The following PHLPP1 variants were observed in gnomAD, a reference collection of about 807,000 sequenced individuals.
The protein encoded by PHLPP1 is PH domain and leucine rich repeat protein phosphatase 1.
Under a neutral mutation model 117.2 loss-of-function variants are expected in PHLPP1, and 42 were observed. That is an observed-to-expected ratio of 0.36 (90% CI 0.28 to 0.46). The LOEUF is 0.46. Among genes scored for constraint, PHLPP1 ranks in the 20% least tolerant of loss-of-function variants. The pLI is 1.00. For synonymous variants in PHLPP1, 1,042 were observed against 970.7 expected (o/e 1.07, Z -1.37); for missense variants, 2,084 against 2,241.9 (o/e 0.93, Z 1.42).
At chr18:62,752,190 G>C (rs1194505184) in intron 1 of PHLPP1, among the ~76,000 whole-genome samples, 1 of 152,136 alleles carries the variant, frequency 6.6e-6, no homozygotes, top group Non-Finnish European at 1.5e-5. Flanking sequence ...CAGTCTTCTC[G>C]CTTTAGCCTC....
intron 1 of PHLPP1, among the ~76,000 whole-genome samples, chr18:62,760,323 A>C (rs1383975072): frequency 6.6e-6 from 1 of 152,080 alleles, no homozygotes; most frequent in Non-Finnish European, 1.5e-5. Flanking sequence ...AATTCCCTTC[A>C]TTTTATATTA....
chr18:62,735,598 A>G (rs1911348879), intron 1 of PHLPP1, among the ~76,000 whole-genome samples: 1 of 152,004 alleles, frequency 6.6e-6, no homozygotes, highest in Non-Finnish European at 1.5e-5. Flanking sequence ...CAACAACAAC[A>G]ACAACAAAAC....
At chr18:62,838,994 G>A (rs1356514313) in intron 3 of PHLPP1, 85 bp downstream of exon 3, 1 of 1,427,510 alleles carries the variant, frequency 7.0e-7, no homozygotes, top group Non-Finnish European at 9.6e-7. Context: ...CTAAAATATG[G>A]TTAGTTACAC....
At chr18:62,821,819 TC>T (rs1914467204) in intron 1 of PHLPP1, among the ~76,000 whole-genome samples, 1 of 151,838 alleles carries the variant, frequency 6.6e-6, no homozygotes, top group Non-Finnish European at 1.5e-5. Flanking sequence ...TGGTGCTGTT[TC>T]GGCTCACTGC....
At chr18:62,893,910 T>C (rs1403025736) in intron 4 of PHLPP1, among the ~76,000 whole-genome samples, 4 of 152,068 alleles carry the variant, frequency 2.6e-5, no homozygotes, top group African/African-American at 9.7e-5. Flanking sequence ...ATAAAGATGG[T>C]AAGTTCAGTT....
chr18:62,754,694 C>A (rs1214360219), intron 1 of PHLPP1, among the ~76,000 whole-genome samples: 1 of 152,188 alleles, frequency 6.6e-6, no homozygotes, highest in Non-Finnish European at 1.5e-5. Flanking sequence ...TAATGGAAGT[C>A]ATTCCCCCTG....
chr18:62,925,921 C>T (rs934642085), intron 10 of PHLPP1, among the ~76,000 whole-genome samples: 1 of 152,194 alleles, frequency 6.6e-6, no homozygotes, highest in Non-Finnish European at 1.5e-5. Context: ...AGATGGTCTG[C>T]TGAACACACT....
chr18:62,765,373 G>T (rs2144255490), intron 1 of PHLPP1, among the ~76,000 whole-genome samples: 1 of 152,276 alleles, frequency 6.6e-6, no homozygotes, highest in South Asian at 2.1e-4. Flanking sequence ...TCCAAAGAGG[G>T]GCGCTGGCAT....
At chr18:62,802,785 A>C (rs1913824904) in intron 1 of PHLPP1, among the ~76,000 whole-genome samples, 1 of 151,930 alleles carries the variant, frequency 6.6e-6, no homozygotes, top group African/African-American at 2.4e-5. Flanking sequence ...ACAACTTGTG[A>C]AGTTGTCTTG....
At chr18:62,786,509 C>T (rs1023444617) in intron 1 of PHLPP1, among the ~76,000 whole-genome samples, 2 of 152,160 alleles carry the variant, frequency 1.3e-5, no homozygotes, top group South Asian at 2.1e-4. Flanking sequence ...TTACTAATCT[C>T]GCTGCCTTAT....
chr18:62,823,920 T>TCA (rs1341923235), intron 1 of PHLPP1, among the ~76,000 whole-genome samples: 1 of 151,950 alleles, frequency 6.6e-6, no homozygotes, highest in African/African-American at 2.4e-5. Context: ...CCATCTGAGG[T>TCA]GGGCAGTTAG....
intron 1 of PHLPP1, among the ~76,000 whole-genome samples, chr18:62,774,539 C>T (rs529902673): frequency 6.6e-6 from 1 of 152,312 alleles, no homozygotes; most frequent in Non-Finnish European, 1.5e-5. Flanking sequence ...CTTGACTGAG[C>T]TAATATCATA....
rs888233345 is a variant in PHLPP1 at position 62,978,123 on chromosome 18, G to A, written c.3985-139G>A. ...ACATTAACTACTCACTACAGAGTGA[G>A]CCCTTCTTTCCTCTGTGGGCCACAC... On this transcript the variant is annotated intron_variant, in intron 16 of 16. Coordinates refer to ENST00000262719, the MANE Select transcript of PHLPP1 (RefSeq NM_194449.4). The surrounding 1 kb of genome is among the most constrained non-coding windows in gnomAD (Gnocchi z 7.0). 3 of 603,076 alleles carry A rather than the reference G, an allele frequency of 5.0e-6. No individual in the cohort carries two copies. The Admixed American group carries it at 8.9e-5, about 18-fold the overall frequency. The allele number at this position is 603,076 out of a possible 1,614,324, so 37.4% of individuals were successfully genotyped here.
chr18:62,853,941 G>A (rs1236388515), intron 3 of PHLPP1, among the ~76,000 whole-genome samples: 1 of 152,202 alleles, frequency 6.6e-6, no homozygotes, highest in African/African-American at 2.4e-5. Flanking sequence ...TATTACTGCA[G>A]CAACTTGTTA....
At chr18:62,934,505 G>A (rs567584569) in intron 10 of PHLPP1, among the ~76,000 whole-genome samples, 3 of 152,196 alleles carry the variant, frequency 2.0e-5, no homozygotes, top group Admixed American at 6.5e-5. Flanking sequence ...CTTAATACAT[G>A]GGGGCTAAAC....
chr18:62,905,198 T>G (rs368358878), intron 7 of PHLPP1, 26 bp from the exon 8 acceptor site: 1 of 1,438,544 alleles, frequency 7.0e-7, no homozygotes, highest in East Asian at 2.4e-5. Context: ...GTAATGTCTT[T>G]GTGGGGTTTT....
chr18:62,751,923 C>T (rs1333874471), intron 1 of PHLPP1, among the ~76,000 whole-genome samples: 4 of 152,166 alleles, frequency 2.6e-5, no homozygotes, highest in Non-Finnish European at 5.9e-5. Context: ...ATGTCTTCTT[C>T]TGACATCTAT....
intron 1 of PHLPP1, among the ~76,000 whole-genome samples, chr18:62,723,519 T>G (rs1485899513): frequency 6.6e-6 from 1 of 152,252 alleles, no homozygotes; most frequent in African/African-American, 2.4e-5. Context: ...TTTGTTGCTC[T>G]CTATTTCTTC....
chr18:62,852,262 A>G (rs1766784758), intron 3 of PHLPP1, among the ~76,000 whole-genome samples: 1 of 152,236 alleles, frequency 6.6e-6, no homozygotes, highest in African/African-American at 2.4e-5. Flanking sequence ...AATTCCAGGT[A>G]GAATTTCATA....
Sources: allele counts gnomAD v4.1 joint callset (sites outside exome capture counted in the v4.1 genomes callset), GRCh38; gene constraint gnomAD v4.1.1; non-coding constraint Gnocchi (gnomAD v3.1); transcripts MANE v1.5; gene names NCBI Gene and HGNC (gene_info 2026-07-23, HGNC 2026-07-21).